The following PTPN2 variants were observed in gnomAD, a reference collection of about 807,000 sequenced individuals.
PTPN2 encodes protein tyrosine phosphatase non-receptor type 2.
In PTPN2, 19 loss-of-function variants were observed where a neutral mutation model predicts 57.3. The observed-to-expected ratio is 0.33, with a 90% CI of 0.23 to 0.49. The LOEUF (loss-of-function observed/expected upper bound fraction) is 0.49. Ranked by LOEUF, PTPN2 falls within the 20% of genes least tolerant of loss-of-function variation. PTPN2 has a pLI of 0.99. For synonymous variants in PTPN2, 153 were observed against 164.9 expected (o/e 0.93, Z 0.55); for missense variants, 358 against 501.1 (o/e 0.71, Z 2.73).
At chr18:12,815,972 G>A (rs769501031) in intron 6 of PTPN2, among the ~76,000 whole-genome samples, 1 of 152,120 alleles carries the variant, frequency 6.6e-6, no homozygotes, top group African/African-American at 2.4e-5. Context: ...CAGAAACATC[G>A]AAGAGACTAA....
intron 7 of PTPN2, 49 bp from the exon 8 acceptor site, chr18:12,802,200 T>C: frequency 7.3e-7 from 1 of 1,375,218 alleles, no homozygotes; most frequent in Non-Finnish European, 9.8e-7. Flanking sequence ...TAAAAATTTA[T>C]TTTCCTTAAA....
intron 1 of PTPN2, among the ~76,000 whole-genome samples, chr18:12,882,265 C>T (rs2044689470): frequency 6.6e-6 from 1 of 152,146 alleles, no homozygotes; most frequent in Non-Finnish European, 1.5e-5. Flanking sequence ...TTGTTTTCAA[C>T]TAGGAAAAAA....
chr18:12,852,678 G>A (rs1354755037), intron 2 of PTPN2, among the ~76,000 whole-genome samples: 1 of 152,156 alleles, frequency 6.6e-6, no homozygotes, highest in Non-Finnish European at 1.5e-5. Flanking sequence ...GCTGCACCCA[G>A]CCCAAATTCT....
At chr18:12,814,592 C>T (rs1019407069) in intron 6 of PTPN2, among the ~76,000 whole-genome samples, 1 of 152,216 alleles carries the variant, frequency 6.6e-6, no homozygotes, top group Non-Finnish European at 1.5e-5. Flanking sequence ...TGATTCACAA[C>T]TGATTCCAAA....
At position 12,793,834 on chromosome 18, in the gene PTPN2, A is replaced by G. The variant is rs2041062840; in HGVS notation, c.*444T>C. 3 of 967,392 alleles carry G rather than the reference A, an allele frequency of 3.1e-6. No homozygotes were observed. Among genetic ancestry groups the G allele is most frequent in the Non-Finnish European group, 3.7e-6 (3 of 809,096 alleles). 59.9% of individuals were successfully genotyped at this position (967,392 alleles called of 1,614,324 possible). On this transcript the variant is annotated 3_prime_UTR_variant, in exon 9 of 9. Transcript: ENST00000309660. ...TAAAAGTGTTGATGCCCATGTCAATAGTACATTATACATTACACACATTAT... is the reference window on the plus strand; with the variant it reads ...TAAAAGTGTTGATGCCCATGTCAATGGTACATTATACATTACACACATTAT...
exon 10 of PTPN2, chr18:12,785,727 G>T: frequency 9.1e-7 from 1 of 1,104,582 alleles, no homozygotes; most frequent in Non-Finnish European, 1.4e-6. Flanking sequence ...GAGGGTTAGC[G>T]AGCCTCACTT....
chr18:12,794,632 AT>A, intron 8 of PTPN2, 147 bp from the exon 9 acceptor site: 1 of 1,075,572 alleles, frequency 9.3e-7, no homozygotes, highest in Non-Finnish European at 1.3e-6. Flanking sequence ...AAGCCTCAAT[AT>A]TCTTTTGAGA....
downstream of PTPN2, among the ~76,000 whole-genome samples, chr18:12,790,941 G>C (rs922841825): frequency 2.0e-5 from 3 of 152,010 alleles, no homozygotes; most frequent in African/African-American, 7.3e-5. Context: ...AGGACCAAAA[G>C]ACAGAAAACC....
At chr18:12,811,309 T>A (rs1282745254) in intron 7 of PTPN2, among the ~76,000 whole-genome samples, 2 of 152,158 alleles carry the variant, frequency 1.3e-5, no homozygotes, top group African/African-American at 4.8e-5. Context: ...CACTGGTCAA[T>A]TTTTGAAGTT....
intron 6 of PTPN2, among the ~76,000 whole-genome samples, chr18:12,816,626 G>C (rs1034336277): frequency 1.1e-4 from 17 of 152,182 alleles, no homozygotes; most frequent in African/African-American, 4.1e-4. Flanking sequence ...GACTGGTGGA[G>C]AAAGAATTAG....
At chr18:12,814,504 CACA>C (rs1376936346) in intron 6 of PTPN2, 149 bp from the exon 7 acceptor site, 4 of 646,054 alleles carry the variant, frequency 6.2e-6, no homozygotes, top group Admixed American at 3.4e-5. Context: ...CTGTTATGTA[CACA>C]ACAACTATCC....
At chr18:12,832,439 G>T (rs1174786947) in intron 3 of PTPN2, among the ~76,000 whole-genome samples, 1 of 151,964 alleles carries the variant, frequency 6.6e-6, no homozygotes, top group African/African-American at 2.4e-5. Flanking sequence ...CTTTAGGCCT[G>T]GTGTACTCCT....
chr18:12,785,674 ATG>A (rs1410004736), exon 10 of PTPN2: 4 of 713,880 alleles, frequency 5.6e-6, no homozygotes, highest in Non-Finnish European at 9.8e-6. Context: ...CATCCCCTGG[ATG>A]TAAAGTTTAC....
At chr18:12,830,909 G>A (rs1447103322) in intron 4 of PTPN2, 34 bp downstream of exon 4, 1 of 1,444,982 alleles carries the variant, frequency 6.9e-7, no homozygotes, top group Non-Finnish European at 9.7e-7. Flanking sequence ...ATCACATACA[G>A]TATACTAAGT....
At chr18:12,814,142 GTT>G in intron 7 of PTPN2, 59 bp downstream of exon 7, 2 of 1,260,990 alleles carry the variant, frequency 1.6e-6, no homozygotes, top group South Asian at 2.7e-5. Flanking sequence ...GTGGAGTGCA[GTT>G]ATTTGATGCT....
intron 4 of PTPN2, among the ~76,000 whole-genome samples, chr18:12,827,334 C>T (rs2042505101): frequency 7.3e-6 from 1 of 136,158 alleles, no homozygotes; most frequent in African/African-American, 2.7e-5. Context: ...CAGAGCGAGA[C>T]TCCGTCTCAA....
At chr18:12,876,296 AAAG>A (rs71174150) in intron 1 of PTPN2, among the ~76,000 whole-genome samples, 17 of 145,188 alleles carry the variant, frequency 1.2e-4, no homozygotes, top group East Asian at 2.1e-4. Context: ...ACAACAACAA[AAAG>A]AAGAAGAAGA....
chr18:12,878,681 A>G (rs540953494), intron 1 of PTPN2, among the ~76,000 whole-genome samples: 17 of 152,292 alleles, frequency 1.1e-4, no homozygotes, highest in African/African-American at 3.4e-4. Context: ...CAAAAAAAGA[A>G]AAATGAAGTC....
In PTPN2 at chr18:12,807,583, A is replaced by AT. The variant is rs1340623707; in HGVS notation, c.859-5433_859-5432insA. Among the ~76,000 whole-genome samples, 140 of 69,378 alleles carry AT rather than the reference A, an allele frequency of 2.0e-3. 1 individual carries two copies. Among genetic ancestry groups the AT allele is most frequent in the African/African-American group, 3.1e-3 (82 of 26,596 alleles). The allele number at this position is 69,378 out of a possible 152,430, so 45.5% of individuals were successfully genotyped here. A position where few individuals can be genotyped will look rare whatever the true frequency, so the allele number is the denominator to read the frequency against. ...AGAAAATGTGGAAAAAAAAAAAAAA[A>AT]AAAATATATATATATATATATAATA... is the stretch of plus-strand genomic sequence containing the variant. On this transcript the variant is annotated intron_variant, in intron 7 of 8. Coordinates refer to ENST00000309660, the MANE Select transcript of PTPN2 (RefSeq NM_002828.4).
Sources: allele counts gnomAD v4.1 joint callset (sites outside exome capture counted in the v4.1 genomes callset), GRCh38; gene constraint gnomAD v4.1.1; transcripts MANE v1.5; gene names NCBI Gene and HGNC (gene_info 2026-07-23, HGNC 2026-07-21).